The following WDTC1 variants were observed in gnomAD, a reference collection of about 807,000 sequenced individuals.
WDTC1 encodes WD and tetratricopeptide repeats protein 1.
WDTC1 carries 12 observed loss-of-function variants against 76.0 expected under a neutral mutation model. The ratio of observed to expected loss-of-function variants is 0.16; its 90% CI spans 0.10 to 0.26. WDTC1 has a LOEUF of 0.26. Ranked by LOEUF, WDTC1 falls within the 10% of genes least tolerant of loss-of-function variation. The pLI, the probability that WDTC1 is intolerant of heterozygous loss-of-function variation, is 1.00. For synonymous variants in WDTC1, 326 were observed against 350.8 expected (o/e 0.93, Z 0.79); for missense variants, 511 against 908.8 (o/e 0.56, Z 5.63).
chr1:27,298,274 G>A (rs2013744054), intron 12 of WDTC1, among the ~76,000 whole-genome samples, 163 bp downstream of exon 12: 1 of 152,222 alleles, frequency 6.6e-6, no homozygotes, highest in South Asian at 2.1e-4. Flanking sequence ...CCCACCTCCA[G>A]GCTAATGGTG....
intron 3 of WDTC1, among the ~76,000 whole-genome samples, chr1:27,278,600 C>G (rs964734389): frequency 6.6e-5 from 10 of 152,312 alleles, no homozygotes; most frequent in African/African-American, 2.4e-4. Flanking sequence ...TCTTGCTCAT[C>G]TTACTCTGTC....
chr1:27,269,216 C>T (rs1570958712), intron 3 of WDTC1, among the ~76,000 whole-genome samples: 1 of 146,082 alleles, frequency 6.8e-6, no homozygotes, highest in South Asian at 2.2e-4. Context: ...AGGCACATGC[C>T]TATAGTCCCC....
At chr1:27,242,724 C>G (rs2011668508) in intron 1 of WDTC1, among the ~76,000 whole-genome samples, 1 of 152,164 alleles carries the variant, frequency 6.6e-6, no homozygotes, top group Non-Finnish European at 1.5e-5. Flanking sequence ...CCACCTCGGC[C>G]TCCCAAAGTG....
At chr1:27,244,950 C>T (rs975712389) in intron 1 of WDTC1, among the ~76,000 whole-genome samples, 2 of 152,006 alleles carry the variant, frequency 1.3e-5, no homozygotes, top group African/African-American at 2.4e-5. Context: ...ATAGTGTCAT[C>T]GGAAGGGGTT....
intron 6 of WDTC1, among the ~76,000 whole-genome samples, chr1:27,289,911 T>C (rs1322195017): frequency 5.9e-5 from 9 of 151,976 alleles, no homozygotes; most frequent in Non-Finnish European, 1.3e-4. Context: ...GGCAGGGAGA[T>C]TGCAGTGAGC....
chr1:27,255,650 C>A (rs1166110351), intron 1 of WDTC1: 3 of 152,300 alleles, frequency 2.0e-5, no homozygotes, highest in Non-Finnish European at 4.4e-5. Flanking sequence ...CTCACTGCAA[C>A]CTCTGCCTCC....
intron 1 of WDTC1, among the ~76,000 whole-genome samples, chr1:27,253,009 T>C (rs1330625598): frequency 2.3e-3 from 3 of 1,288 alleles, no homozygotes; most frequent in Non-Finnish European, 7.2e-3. Context: ...TCTTTCTGAT[T>C]TTTTTTTTTT....
intron 1 of WDTC1, among the ~76,000 whole-genome samples, chr1:27,248,338 A>G (rs2011919985): frequency 6.6e-6 from 1 of 152,198 alleles, no homozygotes; most frequent in Non-Finnish European, 1.5e-5. Flanking sequence ...TTTTAATAAT[A>G]GCTATCCTGA....
chr1:27,277,116 T>G (rs762218845), intron 3 of WDTC1, among the ~76,000 whole-genome samples: 4 of 152,072 alleles, frequency 2.6e-5, no homozygotes, highest in Non-Finnish European at 5.9e-5. Context: ...TACTGCAGCC[T>G]TACCCTCCCA....
intron 1 of WDTC1, among the ~76,000 whole-genome samples, chr1:27,244,367 G>A (rs927958873): frequency 2.6e-5 from 4 of 152,006 alleles, no homozygotes; most frequent in African/African-American, 9.7e-5. Context: ...GCCTCACTTT[G>A]TCACACGGGC....
intron 1 of WDTC1, among the ~76,000 whole-genome samples, chr1:27,245,504 A>G (rs2011797493): frequency 6.6e-6 from 1 of 151,356 alleles, no homozygotes; most frequent in African/African-American, 2.4e-5. Flanking sequence ...TAAGAATGGA[A>G]TTTTCTTTCC....
chr1:27,244,997 A>G (rs1235978798), intron 1 of WDTC1, among the ~76,000 whole-genome samples: 2 of 151,770 alleles, frequency 1.3e-5, no homozygotes, highest in Non-Finnish European at 2.9e-5. Flanking sequence ...TCATTTTACA[A>G]ACGGCAGAAT....
In WDTC1 at chr1:27,301,571, G is replaced by C. The variant is rs911514793; in HGVS notation, c.1468+110G>C. 16 of 1,269,778 alleles carry C rather than the reference G, an allele frequency of 1.3e-5. No homozygotes were observed. The highest frequency in any genetic ancestry group is 2.1e-5 in the Admixed American group (1 of 46,938). 78.7% of individuals were successfully genotyped at this position (1,269,778 alleles called of 1,614,324 possible). ...TTGGAGAGGCCTGGGTTCAGATGTT[G>C]ATTCAGAAACCATGCAACTTTGGGG... On this transcript the variant is annotated intron_variant, in intron 13 of 15. Coordinates refer to ENST00000319394, the MANE Select transcript of WDTC1 (RefSeq NM_001276252.2). The surrounding 1 kb of genome is among the most constrained non-coding windows in gnomAD (Gnocchi z 5.8).
At chr1:27,288,260 A>C (rs1408966006) in intron 6 of WDTC1, among the ~76,000 whole-genome samples, 1 of 152,192 alleles carries the variant, frequency 6.6e-6, no homozygotes, top group Non-Finnish European at 1.5e-5. Context: ...TCCTGTCTAA[A>C]GTAGACAGAC....
chr1:27,306,641 T>A lies in WDTC1; in HGVS notation c.*258T>A. On this transcript the variant is annotated 3_prime_UTR_variant, in exon 16 of 16. Transcript: ENST00000319394. This position sits in a 1 kb window ranked among gnomAD's most constrained non-coding sequence, Gnocchi z 5.0. ...ACACCCCTCCATATGCCCCCCCCCA[T>A]CTCCTGCTTTCATGTCCCTGGAGGG... The A allele has an allele frequency of 1.9e-6, 1 of 526,466 alleles. No individual in the cohort carries two copies. The highest frequency in any genetic ancestry group is 3.4e-6 in the Non-Finnish European group (1 of 292,560). The allele number at this position is 526,466 out of a possible 1,614,324, so 32.6% of individuals were successfully genotyped here.
chr1:27,261,646 C>T (rs1295522839), intron 2 of WDTC1, among the ~76,000 whole-genome samples: 1 of 152,108 alleles, frequency 6.6e-6, no homozygotes, highest in East Asian at 1.9e-4. Flanking sequence ...TAGAGAAACC[C>T]TCAGAAAAGG....
At position 27,298,174 on chromosome 1, in the gene WDTC1, G is replaced by T. The variant is rs913217136; in HGVS notation, c.1232+63G>T. On this transcript the variant is annotated intron_variant, in intron 12 of 15. Coordinates refer to ENST00000319394, the MANE Select transcript of WDTC1 (RefSeq NM_001276252.2). ...AGGGAGAAAGCAGCTGGACCAAAAG[G>T]CAGGGGCCTGATGGAGCCAAGTTGC... 3.3e-6 allele frequency: 5 copies of T among 1,493,126 alleles called. No homozygotes were observed. In the African/African-American group the frequency reaches 5.6e-5, roughly 17 times the overall value. The allele number at this position is 1,493,126 out of a possible 1,614,324, so 92.5% of individuals were successfully genotyped here. A position where few individuals can be genotyped will look rare whatever the true frequency, so the allele number is the denominator to read the frequency against.
intron 1 of WDTC1, among the ~76,000 whole-genome samples, chr1:27,257,332 T>C (rs981644044): frequency 6.6e-6 from 1 of 152,162 alleles, no homozygotes; most frequent in Non-Finnish European, 1.5e-5. Flanking sequence ...TTTGTTCCAA[T>C]GCGTCCTATG....
rs187899344 is a variant in WDTC1, at chr1:27,286,594, C to T, written c.292-1080C>T. Among the ~76,000 whole-genome samples the T allele has an allele frequency of 1.5e-3, 233 of 151,134 alleles. 2 individuals carry two copies. Among genetic ancestry groups the T allele is most frequent in the African/African-American group, 5.3e-3 (219 of 41,212 alleles). On this transcript the variant is annotated intron_variant, in intron 5 of 15. Coordinates refer to ENST00000319394, the MANE Select transcript of WDTC1 (RefSeq NM_001276252.2). ...ACACCATCCTCCTGCCTCAGCCTCC[C>T]GAGTAGCTGGGACTACAGGCGCACG...
Sources: allele counts gnomAD v4.1 joint callset (sites outside exome capture counted in the v4.1 genomes callset), GRCh38; gene constraint gnomAD v4.1.1; non-coding constraint Gnocchi (gnomAD v3.1); transcripts MANE v1.5; gene names NCBI Gene and HGNC (gene_info 2026-07-23, HGNC 2026-07-21).